PTPRD: variants seen among roughly 807,000 people sequenced by gnomAD.
PTPRD encodes protein tyrosine phosphatase receptor type D.
Under a neutral mutation model 214.5 loss-of-function variants are expected in PTPRD, and 34 were observed. The observed-to-expected ratio is 0.16, with a 90% CI of 0.12 to 0.21. PTPRD has a LOEUF of 0.21. PTPRD is among the 10% of genes least tolerant of loss of function. PTPRD has a pLI of 1.00. For missense variants in PTPRD, 2,545 were observed against 2,398.7 expected (o/e 1.06, Z -1.27); for synonymous variants, 1,128 against 845.7 (o/e 1.33, Z -5.79).
chr9:10,581,535 G>A lies in PTPRD; in HGVS notation c.-600+30863C>T, dbSNP rs116285698. Among the ~76,000 whole-genome samples, 921 of 152,284 alleles carry A rather than the reference G, an allele frequency of 6.0e-3. 14 individuals are homozygous for A. Among genetic ancestry groups the A allele is most frequent in the African/African-American group, 0.021 (869 of 41,550 alleles). ...GTAATATTCAAAGAGTGATGAGACA[G>A]AAGTATTCATAATTTCTGCTAATTT... On this transcript the variant is annotated intron_variant, in intron 2 of 45. Transcript: ENST00000381196.
At chr9:9,000,416 G>T (rs2099413391) in intron 11 of PTPRD, among the ~76,000 whole-genome samples, 1 of 151,952 alleles carries the variant, frequency 6.6e-6, no homozygotes, top group Non-Finnish European at 1.5e-5. Flanking sequence ...AGACAGAAAT[G>T]GAAATGACAA....
chr9:9,807,315 C>T (rs1024568776), intron 5 of PTPRD, among the ~76,000 whole-genome samples: 6 of 152,086 alleles, frequency 3.9e-5, no homozygotes, highest in African/African-American at 1.4e-4. Flanking sequence ...ATTCCCTGTC[C>T]TCTTCTTGTT....
chr9:9,197,978 C>G (rs2099939627), intron 9 of PTPRD, among the ~76,000 whole-genome samples: 2 of 152,108 alleles, frequency 1.3e-5, no homozygotes, highest in Non-Finnish European at 2.9e-5. Context: ...AAAACTTTGG[C>G]AGGACTAATC....
Position 9,388,079 on chromosome 9 carries a change from G to C in PTPRD, c.-203+9370C>G, listed in dbSNP as rs542511712. ...CGTGGGCTTGGGAAATTAGTGCAAG[G>C]TTTTATTGAGTAGAAGTAGCTCTCA... On this transcript the variant is annotated intron_variant, in intron 9 of 45. Transcript: ENST00000381196. Among the ~76,000 whole-genome samples, 11 of 152,212 alleles carry C rather than the reference G, an allele frequency of 7.2e-5. 1 individual carries two copies. In the South Asian group the frequency reaches 2.1e-3, roughly 29 times the overall value.
At chr9:9,536,183 A>G (rs895322961) in intron 8 of PTPRD, among the ~76,000 whole-genome samples, 4 of 151,942 alleles carry the variant, frequency 2.6e-5, no homozygotes, top group African/African-American at 9.7e-5. Flanking sequence ...TTGCTGCATT[A>G]TTTTATAACT....
intron 3 of PTPRD, among the ~76,000 whole-genome samples, chr9:10,227,034 T>C (rs2099591173): frequency 6.6e-6 from 1 of 151,982 alleles, no homozygotes; most frequent in Non-Finnish European, 1.5e-5. Flanking sequence ...CATCAACAAA[T>C]AGGTGATGAC....
chr9:8,579,833 G>A (rs370988697), intron 14 of PTPRD, among the ~76,000 whole-genome samples: 23 of 152,160 alleles, frequency 1.5e-4, no homozygotes, highest in African/African-American at 4.6e-4. Flanking sequence ...GATGGAAACG[G>A]AACCAAAAGT....
chr9:10,293,629 G>A (rs2095593532), intron 3 of PTPRD, among the ~76,000 whole-genome samples: 1 of 151,946 alleles, frequency 6.6e-6, no homozygotes, highest in African/African-American at 2.4e-5. Context: ...AAAGTGGGCA[G>A]TAACTTTATG....
chr9:8,482,072 T>G (rs940237505), intron 30 of PTPRD, among the ~76,000 whole-genome samples: 4 of 152,164 alleles, frequency 2.6e-5, no homozygotes, highest in African/African-American at 9.6e-5. Flanking sequence ...TGAGCCACCA[T>G]GCCTGGCCAT....
At chr9:9,249,638 A>G (rs1050168682) in intron 9 of PTPRD, among the ~76,000 whole-genome samples, 2 of 151,974 alleles carry the variant, frequency 1.3e-5, no homozygotes, top group South Asian at 2.1e-4. Context: ...GGGTTGTCCA[A>G]CTTTATTTGA....
chr9:9,201,284 A>G (rs577227864), intron 9 of PTPRD, among the ~76,000 whole-genome samples: 1 of 152,336 alleles, frequency 6.6e-6, no homozygotes, highest in African/African-American at 2.4e-5. Flanking sequence ...CAGGAAGTTA[A>G]GAAATATAAA....
chr9:10,123,010 A>G (rs1007208631), intron 3 of PTPRD, among the ~76,000 whole-genome samples: 1 of 152,252 alleles, frequency 6.6e-6, no homozygotes, highest in Admixed American at 6.5e-5. Context: ...ACATCTGCTG[A>G]TGAGGCTGTC....
chr9:9,476,289 A>G (rs2146819572), intron 8 of PTPRD, among the ~76,000 whole-genome samples: 1 of 152,318 alleles, frequency 6.6e-6, no homozygotes, highest in South Asian at 2.1e-4. Flanking sequence ...GCAAGCAAAT[A>G]TTTCTATTCA....
At chr9:8,987,885 C>G (rs959236905) in intron 11 of PTPRD, among the ~76,000 whole-genome samples, 5 of 151,994 alleles carry the variant, frequency 3.3e-5, no homozygotes, top group African/African-American at 1.2e-4. Context: ...TGGGAATCCT[C>G]AGTTTGAAGG....
At chr9:9,241,710 C>A (rs1044176593) in intron 9 of PTPRD, among the ~76,000 whole-genome samples, 1 of 151,598 alleles carries the variant, frequency 6.6e-6, no homozygotes, top group African/African-American at 2.4e-5. Flanking sequence ...GATCTTCCTC[C>A]AACCCTTTAT....
In PTPRD at chr9:10,448,598, T is replaced by C. The variant is rs191963589; in HGVS notation, c.-599-107581A>G. ...GGTAGTGGTTTAAACTTTACATGTA[T>C]GATTTGTATGATTTGATCCCTTCTT... On this transcript the variant is annotated intron_variant, in intron 2 of 45. Transcript: ENST00000381196. Among the ~76,000 whole-genome samples, 36 of 152,178 alleles carry C rather than the reference T, an allele frequency of 2.4e-4. 1 individual carries two copies. The East Asian group carries it at 2.9e-3, about 12-fold the overall frequency.
chr9:9,451,058 G>T (rs1193646530), intron 8 of PTPRD, among the ~76,000 whole-genome samples: 1 of 150,008 alleles, frequency 6.7e-6, no homozygotes, highest in African/African-American at 2.5e-5. Flanking sequence ...GTCCACAGAG[G>T]TCAAAGAATA....
chr9:8,729,628 G>A (rs1483419013), intron 12 of PTPRD, among the ~76,000 whole-genome samples: 1 of 152,106 alleles, frequency 6.6e-6, no homozygotes, highest in Non-Finnish European at 1.5e-5. Context: ...ATTATATCAT[G>A]ACCATCACCG....
chr9:8,901,796 T>A (rs1423533378), intron 11 of PTPRD, among the ~76,000 whole-genome samples: 2 of 152,230 alleles, frequency 1.3e-5, no homozygotes, highest in African/African-American at 4.8e-5. Context: ...CTGTCCTTGG[T>A]CTGACTTTAT....
Sources: gnomAD v4.1 joint callset for allele counts (sites outside exome capture counted in the v4.1 genomes callset) on GRCh38, gnomAD v4.1.1 for gene constraint, MANE v1.5 for transcripts, NCBI Gene and HGNC (gene_info 2026-07-23, HGNC 2026-07-21) for gene names.